Variants in SIM1 observed in about 807,000 individuals in gnomAD.
The protein encoded by SIM1 is single-minded homolog 1.
In SIM1, 18 loss-of-function variants were observed where a neutral mutation model predicts 78.2. That is an observed-to-expected ratio of 0.23 (90% confidence interval 0.16 to 0.34). The LOEUF is 0.34. SIM1 is among the 10% of genes least tolerant of loss of function. The pLI is 1.00. For missense variants in SIM1, 939 were observed against 975.1 expected (o/e 0.96, Z 0.49); for synonymous variants, 417 against 385.2 (o/e 1.08, Z -0.97).
At chr6:100,421,150 A>AT (rs1427455077) in intron 9 of SIM1, among the ~76,000 whole-genome samples, 192 bp from the exon 10 acceptor site, 1 of 152,062 alleles carries the variant, frequency 6.6e-6, no homozygotes, top group Non-Finnish European at 1.5e-5. Flanking sequence ...ATAATAATGT[A>AT]TTTTTCATTT....
rs1159113228 is a variant in SIM1 at position 100,390,466 on chromosome 6, C to T, written c.2196G>A (p.Leu732=). The change falls in exon 12 of 12, where the codon TTG becomes TTA. Residue 732 remains leucine, a synonymous_variant. Transcript: ENST00000369208. ...CATCAAAGTGTGAGCCATTACAGCC[C>T]AAGGAATAGTTTCTAATGGTTTCGC... ...YDSETIRNYS[L]GCNGSHFDVT... is the part of the protein sequence containing the mutation. 1.2e-6 allele frequency: 2 copies of T among 1,614,088 alleles called. No homozygotes were observed. The highest frequency in any genetic ancestry group is 4.5e-5 in the East Asian group (2 of 44,884).
chr6:100,411,182 A>G (rs1170971377), intron 10 of SIM1, among the ~76,000 whole-genome samples: 7 of 152,200 alleles, frequency 4.6e-5, no homozygotes, highest in African/African-American at 1.7e-4. Flanking sequence ...GAGATGGAAG[A>G]TAGGGTCAAA....
rs576905941 is a variant in SIM1 at position 100,391,178 on chromosome 6, T to C, written c.1571-87A>G. On this transcript the variant is annotated intron_variant, in intron 11 of 11. Transcript: ENST00000369208. ...TTCCTTTACCTATTAAAATAAACTT[T>C]ATATCTTTCATTTTTAATATATGCA... 16 of 1,374,634 alleles carry C rather than the reference T, an allele frequency of 1.2e-5. No individual in the cohort carries two copies. The African/African-American group carries it at 2.2e-4, about 19-fold the overall frequency. 85.2% of individuals were successfully genotyped at this position (1,374,634 alleles called of 1,614,324 possible). A position where few individuals can be genotyped will look rare whatever the true frequency, so the allele number is the denominator to read the frequency against.
At position 100,393,829 on chromosome 6, in the gene SIM1, G is replaced by A. The variant is rs967599457; in HGVS notation, c.1228C>T (p.Pro410Ser). 6.2e-7 allele frequency: 1 copy of A among 1,608,802 alleles called. No homozygotes were observed. The highest frequency in any genetic ancestry group is 8.5e-7 in the Non-Finnish European group (1 of 1,176,544). Residue 410 changes from proline to serine, a missense_variant, in exon 11 of 12, where the codon CCC becomes TCC. Transcript: ENST00000369208. ...SDHDSQWGGS[P>S]LTDTASPQLL... ...TGCGGAGAGGCCGTGTCGGTCAAGG[G>A]ACTTCCGCCCCACTGGCTGTCATGA...
intron 10 of SIM1, among the ~76,000 whole-genome samples, chr6:100,401,978 C>A (rs1347848994): frequency 6.6e-6 from 1 of 152,154 alleles, no homozygotes; most frequent in Non-Finnish European, 1.5e-5. Context: ...TCATCTACTG[C>A]CATTTCATAT....
At position 100,399,059 on chromosome 6, in the gene SIM1, T is replaced by A. The variant is rs1488227026; in HGVS notation, c.1168-5170A>T. Among the ~76,000 whole-genome samples the A allele has an allele frequency of 2.6e-5, 4 of 152,140 alleles. No individual in the cohort carries two copies. The East Asian group carries it at 5.8e-4, about 22-fold the overall frequency. On this transcript the variant is annotated intron_variant, in intron 10 of 11. Transcript: ENST00000369208. Reference sequence around the variant, plus strand: ...CTCTAATGATTAGTGATGTTGAGCATCCTTCCGCAGGCATATTTGTCATTT... The same window carrying A: ...CTCTAATGATTAGTGATGTTGAGCAACCTTCCGCAGGCATATTTGTCATTT...
chr6:100,449,498 T>TG (rs771861498), intron 5 of SIM1, 50 bp from the exon 6 acceptor site: 8 of 1,587,600 alleles, frequency 5.0e-6, no homozygotes, highest in Non-Finnish European at 6.9e-6. Context: ...ACCGGCGGCG[T>TG]GGGACAGCAC....
chr6:100,429,096 C>T (rs796503080), intron 9 of SIM1, among the ~76,000 whole-genome samples: 4 of 152,186 alleles, frequency 2.6e-5, no homozygotes, highest in African/African-American at 7.2e-5. Flanking sequence ...GGGCTGGGCA[C>T]GGTAGCTCAC....
At chr6:100,421,085 C>T (rs1295569798) in intron 9 of SIM1, 127 bp from the exon 10 acceptor site, 1 of 828,298 alleles carries the variant, frequency 1.2e-6, no homozygotes, top group Non-Finnish European at 1.9e-6. Flanking sequence ...CTATAACTAG[C>T]TTCCACAAGC....
chr6:100,455,632 G>C (rs1772629431), intron 2 of SIM1, among the ~76,000 whole-genome samples: 1 of 152,234 alleles, frequency 6.6e-6, no homozygotes, highest in African/African-American at 2.4e-5. Context: ...CGCCGGCGAC[G>C]CTGGCCCTTG....
chr6:100,450,387 GC>G, intron 3 of SIM1, 31 bp from the exon 4 acceptor site: 1 of 1,582,840 alleles, frequency 6.3e-7, no homozygotes, highest in Non-Finnish European at 8.7e-7. Flanking sequence ...AGAATAGAGA[GC>G]CCTCTGGGCC....
chr6:100,455,753 G>C (rs756419842), intron 2 of SIM1, among the ~76,000 whole-genome samples: 1 of 152,220 alleles, frequency 6.6e-6, no homozygotes, highest in African/African-American at 2.4e-5. Context: ...ACTGGGGACA[G>C]GTCTCGCGCG....
In SIM1 at chr6:100,393,475, A is replaced by T; in HGVS notation, c.1570+12T>A. 6.6e-7 allele frequency: 1 copy of T among 1,512,560 alleles called. No homozygotes were observed. Among genetic ancestry groups the T allele is most frequent in the Non-Finnish European group, 8.9e-7 (1 of 1,128,690 alleles). The allele number at this position is 1,512,560 out of a possible 1,614,324, so 93.7% of individuals were successfully genotyped here. ...ATGCTTGGAGTTCGGGAACCCTTTC[A>T]CCTGCTCTTACCATGGATCCTGTGG... is the stretch of plus-strand genomic sequence containing the variant. On this transcript the variant is annotated intron_variant, in intron 11 of 11. Transcript: ENST00000369208.
At position 100,440,775 on chromosome 6, in the gene SIM1, A is replaced by C. The variant is rs183889089; in HGVS notation, c.998+6493T>G. On this transcript the variant is annotated intron_variant, in intron 9 of 11. Coordinates refer to ENST00000369208, the MANE Select transcript of SIM1 (RefSeq NM_005068.3). ...ATCTGGAAAGACATCATAAGCCAAG[A>C]ACAGAGAAGGAAGTATTGGTTAAGG... Among the ~76,000 whole-genome samples, 220 of 152,340 alleles carry C rather than the reference A, an allele frequency of 1.4e-3. 1 individual carries two copies. Among genetic ancestry groups the C allele is most frequent in the African/African-American group, 5.0e-3 (207 of 41,584 alleles).
At chr6:100,403,898 T>C (rs1430414958) in intron 10 of SIM1, among the ~76,000 whole-genome samples, 1 of 152,176 alleles carries the variant, frequency 6.6e-6, no homozygotes, top group Non-Finnish European at 1.5e-5. Flanking sequence ...GTTCAAAAAA[T>C]GTTTTTGCCC....
intron 10 of SIM1, among the ~76,000 whole-genome samples, chr6:100,403,481 T>G (rs1418247412): frequency 6.6e-6 from 1 of 152,224 alleles, no homozygotes; most frequent in Admixed American, 6.5e-5. Context: ...ATTAAGTGCC[T>G]GCTTTGCAAG....
At chr6:100,430,486 A>G (rs753247193) in intron 9 of SIM1, among the ~76,000 whole-genome samples, 61 of 152,268 alleles carry the variant, frequency 4.0e-4, no homozygotes, top group Non-Finnish European at 7.2e-4. Context: ...ATCAAATATA[A>G]AGAAAAAGTA....
chr6:100,448,279 A>G, intron 7 of SIM1, 27 bp from the exon 8 acceptor site: 2 of 1,568,046 alleles, frequency 1.3e-6, no homozygotes, highest in Non-Finnish European at 1.7e-6. Context: ...CTGCAGGATG[A>G]ATGCAGGCGC....
intron 9 of SIM1, among the ~76,000 whole-genome samples, chr6:100,443,060 C>A (rs1278445081): frequency 6.6e-6 from 1 of 151,826 alleles, no homozygotes; most frequent in Non-Finnish European, 1.5e-5. Context: ...CAATATAGAG[C>A]CCCCTTTTTT....
Sources: allele counts gnomAD v4.1 joint callset (sites outside exome capture counted in the v4.1 genomes callset), GRCh38; gene constraint gnomAD v4.1.1; transcripts MANE v1.5; gene names NCBI Gene and HGNC (gene_info 2026-07-23, HGNC 2026-07-21).